The following DOCK2 variants were observed in gnomAD, a reference collection of about 807,000 sequenced individuals.
DOCK2 encodes dedicator of cytokinesis protein 2.
In DOCK2, 87 loss-of-function variants were observed where a neutral mutation model predicts 248.9. The observed-to-expected ratio is 0.35, with a 90% CI of 0.29 to 0.42. The LOEUF is 0.42. DOCK2 is among the 10% of genes least tolerant of loss of function. DOCK2 has a pLI of 1.00. For synonymous variants in DOCK2, 805 were observed against 821.6 expected, an observed-to-expected ratio of 0.98 and a Z score of 0.35; for missense variants, 1,747 against 2,300.2, an observed-to-expected ratio of 0.76 and a Z score of 4.92.
At chr5:169,846,736 GT>G (rs1770340656) in intron 27 of DOCK2, among the ~76,000 whole-genome samples, 3 of 151,974 alleles carry the variant, frequency 2.0e-5, no homozygotes, top group Admixed American at 2.0e-4. Context: ...AGTACAAGTG[GT>G]TTTTTGTTAC....
At chr5:169,928,139 TC>T (rs1561830989) in intron 27 of DOCK2, among the ~76,000 whole-genome samples, 1 of 152,082 alleles carries the variant, frequency 6.6e-6, no homozygotes, top group Non-Finnish European at 1.5e-5. Flanking sequence ...GCCAAACCCT[TC>T]CCCCTGCAAC....
chr5:169,749,893 A>G (rs1015273810), intron 23 of DOCK2, among the ~76,000 whole-genome samples: 1 of 152,236 alleles, frequency 6.6e-6, no homozygotes, highest in Non-Finnish European at 1.5e-5. Flanking sequence ...AGCAGGGGAC[A>G]GCATGAGGAG....
chr5:169,639,847 T>C (rs577979680), intron 1 of DOCK2, among the ~76,000 whole-genome samples: 27 of 152,232 alleles, frequency 1.8e-4, no homozygotes, highest in Admixed American at 5.9e-4. Context: ...TTGAGGATGA[T>C]ATATTAGTTT....
At chr5:169,948,467 A>ATCTC (rs888843805) in intron 27 of DOCK2, among the ~76,000 whole-genome samples, 3 of 150,918 alleles carry the variant, frequency 2.0e-5, no homozygotes, top group African/African-American at 4.9e-5. Flanking sequence ...CATCCCCTAC[A>ATCTC]TCTCTCTCTC....
chr5:169,873,481 T>A (rs1031068963), intron 27 of DOCK2, among the ~76,000 whole-genome samples: 4 of 152,242 alleles, frequency 2.6e-5, no homozygotes, highest in African/African-American at 9.6e-5. Context: ...TGCAAATGCA[T>A]CTGTGATTAC....
chr5:169,648,455 G>A (rs77276518), intron 1 of DOCK2, among the ~76,000 whole-genome samples: 8,036 of 152,204 alleles, frequency 0.053, 241 homozygotes, highest in South Asian at 0.1. Flanking sequence ...AAAACTGTGC[G>A]CTACAATATG....
chr5:170,017,286 C>T (rs1755567902), intron 32 of DOCK2, among the ~76,000 whole-genome samples: 1 of 152,130 alleles, frequency 6.6e-6, no homozygotes, highest in South Asian at 2.1e-4. Context: ...CACAAATGTT[C>T]ATCCTGACAA....
chr5:170,042,548 T>G (rs1451874721), intron 38 of DOCK2, among the ~76,000 whole-genome samples: 2 of 152,214 alleles, frequency 1.3e-5, no homozygotes, highest in Admixed American at 1.3e-4. Context: ...CCTCTCTCAT[T>G]TCATCCCTGC....
intron 27 of DOCK2, among the ~76,000 whole-genome samples, chr5:169,847,392 CA>C (rs1442352111): frequency 6.6e-6 from 1 of 152,106 alleles, no homozygotes; most frequent in East Asian, 1.9e-4. Context: ...GCCATTCTTG[CA>C]GGAGTAAGGT....
intron 46 of DOCK2, among the ~76,000 whole-genome samples, chr5:170,069,742 G>C (rs910541150): frequency 6.6e-6 from 1 of 152,164 alleles, no homozygotes; most frequent in Non-Finnish European, 1.5e-5. Context: ...CACACAAGCC[G>C]CTGCTCAGCC....
intron 22 of DOCK2, among the ~76,000 whole-genome samples, chr5:169,734,714 C>T (rs1470495648): frequency 3.3e-5 from 5 of 152,210 alleles, no homozygotes; most frequent in African/African-American, 9.6e-5. Context: ...AAGACCAGGG[C>T]ATTTCCTTCC....
rs567852136 is a variant in DOCK2 at position 169,758,723 on chromosome 5, A to G, written c.2377-982A>G. On this transcript the variant is annotated intron_variant, in intron 23 of 51. Transcript: ENST00000520908. ...TTTCCCTTGCAGGGTTGTAACTAAT[A>G]AGCTAATCTATTAGCAGTCTTTGGT... Among the ~76,000 whole-genome samples the G allele has an allele frequency of 2.6e-4, 40 of 152,338 alleles. 2 individuals carry two copies. In the South Asian group the frequency reaches 8.1e-3, roughly 31 times the overall value.
rs35718164 is a variant in DOCK2 at position 170,024,357 on chromosome 5, C to CTTT, written c.3382-3487_3382-3485dup. Reference sequence around the variant, plus strand: ...TGATGGAGTGTATGTTTGGGAGAGCCTTTTTTTTTTTTTTTTTTTTTGAGA... The same window carrying CTTT: ...TGATGGAGTGTATGTTTGGGAGAGCCTTTTTTTTTTTTTTTTTTTTTTTTGAGA... On this transcript the variant is annotated intron_variant, in intron 33 of 51. Transcript: ENST00000520908. Among the ~76,000 whole-genome samples the CTTT allele has an allele frequency of 3.9e-3, 389 of 100,676 alleles. 16 individuals are homozygous for CTTT. Among genetic ancestry groups the CTTT allele is most frequent in the African/African-American group, 8.8e-3 (224 of 25,330 alleles). The allele number at this position is 100,676 out of a possible 152,430, so 66.0% of individuals were successfully genotyped here.
chr5:169,808,819 G>T (rs913584478), intron 26 of DOCK2, among the ~76,000 whole-genome samples: 2 of 152,046 alleles, frequency 1.3e-5, no homozygotes, highest in Non-Finnish European at 2.9e-5. Context: ...CAGTCTTAAA[G>T]TGGGTAAAGA....
chr5:169,968,322 A>G (rs1405671777), intron 27 of DOCK2, among the ~76,000 whole-genome samples: 1 of 152,154 alleles, frequency 6.6e-6, no homozygotes, highest in Non-Finnish European at 1.5e-5. Flanking sequence ...CAGTCCTTTT[A>G]ACCTCTTTGA....
intron 27 of DOCK2, among the ~76,000 whole-genome samples, chr5:169,945,404 G>A (rs1158351711): frequency 6.6e-6 from 1 of 152,268 alleles, no homozygotes; most frequent in Non-Finnish European, 1.5e-5. Context: ...GTCTCAGAGT[G>A]AAAAATCAGT....
At chr5:169,914,577 C>A (rs1397348797) in intron 27 of DOCK2, among the ~76,000 whole-genome samples, 1 of 152,160 alleles carries the variant, frequency 6.6e-6, no homozygotes, top group Non-Finnish European at 1.5e-5. Flanking sequence ...TCTAATCTGG[C>A]CTGCACAGTG....
chr5:169,680,707 C>G (rs1759610327), intron 6 of DOCK2, among the ~76,000 whole-genome samples: 1 of 151,918 alleles, frequency 6.6e-6, no homozygotes, highest in Non-Finnish European at 1.5e-5. Flanking sequence ...GAAGACAGAG[C>G]AAGACCCTGA....
intron 27 of DOCK2, among the ~76,000 whole-genome samples, chr5:169,914,581 C>T (rs915262227): frequency 6.6e-6 from 1 of 152,204 alleles, no homozygotes; most frequent in Non-Finnish European, 1.5e-5. Flanking sequence ...ATCTGGCCTG[C>T]ACAGTGTCTT....
Sources: gnomAD v4.1 joint callset for allele counts (sites outside exome capture counted in the v4.1 genomes callset) on GRCh38, gnomAD v4.1.1 for gene constraint, MANE v1.5 for transcripts, NCBI Gene and HGNC (gene_info 2026-07-23, HGNC 2026-07-21) for gene names.